NAV2: variants seen among roughly 807,000 people sequenced by gnomAD.
NAV2 encodes neuron navigator 2.
Under a neutral mutation model 223.2 loss-of-function variants are expected in NAV2, and 54 were observed. The observed-to-expected ratio is 0.24, with a 90% confidence interval of 0.19 to 0.30. NAV2 has a LOEUF of 0.30. Among genes scored for constraint, NAV2 ranks in the 10% least tolerant of loss-of-function variants. The pLI is 1.00. For synonymous variants in NAV2, 1,279 were observed against 1,239.3 expected (o/e 1.03, Z -0.67); for missense variants, 2,806 against 3,147.5 (o/e 0.89, Z 2.60).
At chr11:19,868,665 G>A (rs767902138) in intron 3 of NAV2, among the ~76,000 whole-genome samples, 1 of 152,180 alleles carries the variant, frequency 6.6e-6, no homozygotes, top group Non-Finnish European at 1.5e-5. Context: ...TGGTGACAGT[G>A]ATCAAGATGA....
At chr11:19,463,161 A>T (rs1295364501) in intron 1 of NAV2, among the ~76,000 whole-genome samples, 7 of 152,238 alleles carry the variant, frequency 4.6e-5, no homozygotes, top group Non-Finnish European at 5.9e-5. Flanking sequence ...TCATAGAAAT[A>T]TTTTGAGGAT....
chr11:20,063,159 G>A (rs113541064), intron 20 of NAV2, among the ~76,000 whole-genome samples: 13 of 152,294 alleles, frequency 8.5e-5, no homozygotes, highest in South Asian at 2.1e-4. Context: ...TACCTAGCAC[G>A]TAGTAGGTAT....
intron 1 of NAV2, among the ~76,000 whole-genome samples, chr11:19,594,577 G>A (rs1296183611): frequency 1.3e-5 from 2 of 152,082 alleles, no homozygotes; most frequent in African/African-American, 4.8e-5. Context: ...AGTGAATAGT[G>A]CAGGAATTGA....
At chr11:19,694,544 G>T (rs913915175) in intron 1 of NAV2, among the ~76,000 whole-genome samples, 2 of 152,196 alleles carry the variant, frequency 1.3e-5, no homozygotes, top group African/African-American at 4.8e-5. Flanking sequence ...TGAAGAAACT[G>T]AGACTCGGAA....
chr11:19,441,916 T>C (rs1851418185), intron 1 of NAV2, among the ~76,000 whole-genome samples: 1 of 152,222 alleles, frequency 6.6e-6, no homozygotes, highest in Admixed American at 6.5e-5. Context: ...TCCTTATCTA[T>C]TTTTCCCATT....
intron 1 of NAV2, chr11:19,401,888 A>G (rs1849701712): frequency 6.6e-6 from 1 of 152,200 alleles, no homozygotes; most frequent in Non-Finnish European, 1.5e-5. Context: ...CGTGCACACA[A>G]ATTTCTCCCA....
At chr11:19,780,814 A>T (rs2056675293) in intron 1 of NAV2, among the ~76,000 whole-genome samples, 1 of 152,160 alleles carries the variant, frequency 6.6e-6, no homozygotes, top group African/African-American at 2.4e-5. Context: ...CAGAGAAAAG[A>T]CTCAACAGAA....
chr11:19,477,110 T>A (rs2042141849), intron 1 of NAV2, among the ~76,000 whole-genome samples: 1 of 152,148 alleles, frequency 6.6e-6, no homozygotes, highest in South Asian at 2.1e-4. Flanking sequence ...GCGAAATGAT[T>A]TTTTTGGATA....
At chr11:20,058,544 C>G (rs536827471) in intron 19 of NAV2, among the ~76,000 whole-genome samples, 116 of 152,306 alleles carry the variant, frequency 7.6e-4, no homozygotes, top group African/African-American at 2.7e-3. Flanking sequence ...CCAATCATCA[C>G]TAAGAGCTAA....
At chr11:20,085,135 A>G (rs556451950) in intron 26 of NAV2, among the ~76,000 whole-genome samples, 1 of 151,934 alleles carries the variant, frequency 6.6e-6, no homozygotes, top group African/African-American at 2.4e-5. Flanking sequence ...TTGAGACTCC[A>G]GTGAGCTGTG....
chr11:19,980,008 G>A (rs547566851), intron 10 of NAV2, among the ~76,000 whole-genome samples: 2 of 152,318 alleles, frequency 1.3e-5, no homozygotes, highest in African/African-American at 4.8e-5. Flanking sequence ...TACCCAGTGA[G>A]CATTTAGTAC....
intron 1 of NAV2, among the ~76,000 whole-genome samples, chr11:19,493,375 T>C (rs1383309048): frequency 6.6e-6 from 1 of 152,190 alleles, no homozygotes; most frequent in African/African-American, 2.4e-5. Context: ...ATTGAAAAAC[T>C]TAGGAGAGAG....
chr11:19,942,064 T>C (rs1282916182), intron 8 of NAV2, among the ~76,000 whole-genome samples: 1 of 152,174 alleles, frequency 6.6e-6, no homozygotes, highest in Non-Finnish European at 1.5e-5. Flanking sequence ...GAGCCCTCCT[T>C]GGCAAGGTCC....
At chr11:19,372,013 A>G (rs746445143) in intron 1 of NAV2, among the ~76,000 whole-genome samples, 2 of 152,120 alleles carry the variant, frequency 1.3e-5, no homozygotes, top group Non-Finnish European at 2.9e-5. Context: ...TCCTGATCTC[A>G]GGTGATCCAC....
intron 34 of NAV2, among the ~76,000 whole-genome samples, chr11:20,103,966 G>A (rs2061833490): frequency 6.6e-6 from 1 of 152,192 alleles, no homozygotes; most frequent in African/African-American, 2.4e-5. Context: ...GTCACACACT[G>A]GTCAGTGGCA....
intron 4 of NAV2, among the ~76,000 whole-genome samples, chr11:19,872,574 A>G (rs1458984495): frequency 6.6e-6 from 1 of 152,266 alleles, no homozygotes; most frequent in Non-Finnish European, 1.5e-5. Context: ...GAGTGCCCTG[A>G]GGCTCCTTCT....
chr11:19,528,727 C>T (rs1000031738), intron 1 of NAV2, among the ~76,000 whole-genome samples: 5 of 152,124 alleles, frequency 3.3e-5, no homozygotes, highest in East Asian at 1.9e-4. Flanking sequence ...GTCAAGAGAT[C>T]GAAACCATCC....
chr11:19,747,325 T>C (rs2053456072), intron 1 of NAV2, among the ~76,000 whole-genome samples: 1 of 152,252 alleles, frequency 6.6e-6, no homozygotes, highest in Middle Eastern at 3.4e-3. Flanking sequence ...ACACTCATTA[T>C]GTCTCAAGTA....
intron 11 of NAV2, among the ~76,000 whole-genome samples, chr11:20,008,654 C>T (rs974171807): frequency 5.3e-5 from 8 of 151,968 alleles, no homozygotes; most frequent in African/African-American, 1.7e-4. Flanking sequence ...TAAGAGATGA[C>T]TAAATTTAGA....
Sources: allele counts gnomAD v4.1 joint callset (sites outside exome capture counted in the v4.1 genomes callset), GRCh38; gene constraint gnomAD v4.1.1; transcripts MANE v1.5; gene names NCBI Gene and HGNC (gene_info 2026-07-23, HGNC 2026-07-21).